PIN4: variants seen among roughly 807,000 people sequenced by gnomAD.
PIN4 encodes the protein peptidylprolyl cis/trans isomerase, NIMA-interacting 4.
PIN4 carries 3 observed loss-of-function variants against 8.3 expected under a neutral mutation model. That is an observed-to-expected ratio of 0.36 (90% CI 0.16 to 0.93). PIN4 has a LOEUF of 0.93. Among genes scored for constraint, PIN4 ranks in the 40% least tolerant of loss-of-function variants. The pLI is 0.44. For synonymous variants in PIN4, 18 were observed against 32.5 expected, an observed-to-expected ratio of 0.55 and a Z score of 1.52; for missense variants, 75 against 100.6, an observed-to-expected ratio of 0.75 and a Z score of 1.09.
chrX:72,262,855 A>C, exon 4 of PIN4: 1 of 642,599 alleles, frequency 1.6e-6, no homozygotes, highest in Non-Finnish European at 2.4e-6. Context: ...TATTAGTTCC[A>C]ATTTCAGAAG....
intron 3 of PIN4, among the ~76,000 whole-genome samples, chrX:72,216,393 A>C (rs781424089): frequency 9.8e-5 from 11 of 112,051 alleles, no homozygotes; most frequent in Non-Finnish European, 2.1e-4. Context: ...AGTTTCCATA[A>C]CTGTGACAGA....
chrX:72,210,289 A>C (rs2042846877), intron 3 of PIN4, among the ~76,000 whole-genome samples: 1 of 110,827 alleles, frequency 9.0e-6, no homozygotes, highest in Non-Finnish European at 1.9e-5. Flanking sequence ...GACTCTCAAC[A>C]TCATTAGTTG....
At chrX:72,217,997 G>A (rs770256270) in intron 3 of PIN4, among the ~76,000 whole-genome samples, 7 of 111,391 alleles carry the variant, frequency 6.3e-5, no homozygotes, top group Non-Finnish European at 1.1e-4. Flanking sequence ...GGGGCCGGGC[G>A]CGGTGGCTCA....
intron 3 of PIN4, chrX:72,205,130 A>G: frequency 1.7e-6 from 2 of 1,210,914 alleles, no homozygotes; most frequent in Non-Finnish European, 2.2e-6. Flanking sequence ...ATTTTTCCAC[A>G]CTCTTTTAGT....
intron 3 of PIN4, among the ~76,000 whole-genome samples, chrX:72,248,703 C>A (rs1281931116): frequency 1.8e-5 from 2 of 111,375 alleles, no homozygotes; most frequent in Non-Finnish European, 3.8e-5. Flanking sequence ...ATAGTGAAAC[C>A]CTGTCTCTAC....
intron 3 of PIN4, among the ~76,000 whole-genome samples, chrX:72,232,070 C>A (rs780838907): frequency 3.2e-4 from 35 of 109,091 alleles, no homozygotes; most frequent in Admixed American, 1.8e-3. Context: ...CAGAGCGAGA[C>A]CCTGTCTCTA....
chrX:72,186,448 CT>C lies in PIN4; in HGVS notation c.44-12del. On this transcript the variant is annotated splice_polypyrimidine_tract_variant and intron_variant, in intron 1 of 3. Transcript: ENST00000373669. ...TGCAGTTTAAATGAGTACCTGTCAT[CT>C]CTTCTCTAAAGGGGGAGCAGCCTCT... is the stretch of plus-strand genomic sequence containing the variant. The C allele has an allele frequency of 8.7e-7, 1 of 1,153,521 alleles. No individual in the cohort carries two copies.
chrX:72,261,095 C>T (rs1000902268), intron 3 of PIN4, among the ~76,000 whole-genome samples: 2 of 110,579 alleles, frequency 1.8e-5, no homozygotes, highest in Non-Finnish European at 3.8e-5. Context: ...GTCAGGAGTT[C>T]GAGACTAGCC....
At chrX:72,208,146 A>C (rs1200753032) in intron 3 of PIN4, 8 of 1,209,975 alleles carry the variant, frequency 6.6e-6, no homozygotes, top group Non-Finnish European at 8.9e-6. Flanking sequence ...GCTGCCAGTT[A>C]TTGATTAACA....
intron 3 of PIN4, among the ~76,000 whole-genome samples, chrX:72,254,649 G>A (rs1489260945): frequency 4.5e-5 from 5 of 112,359 alleles, no homozygotes; most frequent in Non-Finnish European, 7.5e-5. Flanking sequence ...GTCCCTGAAG[G>A]AAACAAAGCT....
chrX:72,239,821 TTATCCTA>T (rs2043041099), intron 3 of PIN4, among the ~76,000 whole-genome samples: 1 of 104,488 alleles, frequency 9.6e-6, no homozygotes, highest in Non-Finnish European at 2.0e-5. Flanking sequence ...CTCACGCCTG[TTATCCTA>T]GCCTTTTGGG....
At chrX:72,213,368 C>G (rs767554963) in intron 3 of PIN4, among the ~76,000 whole-genome samples, 20 of 111,710 alleles carry the variant, frequency 1.8e-4, no homozygotes, top group African/African-American at 6.5e-4. Context: ...CCCGAGAGCA[C>G]AGGGGGAGGG....
At chrX:72,229,117 T>A (rs893967632) in intron 3 of PIN4, among the ~76,000 whole-genome samples, 2 of 111,560 alleles carry the variant, frequency 1.8e-5, no homozygotes, top group African/African-American at 6.5e-5. Context: ...GACTCTCCCA[T>A]TAAAGGGCCT....
At chrX:72,253,563 T>G (rs1182355267) in intron 3 of PIN4, among the ~76,000 whole-genome samples, 1 of 108,685 alleles carries the variant, frequency 9.2e-6, no homozygotes, top group Non-Finnish European at 1.9e-5. Flanking sequence ...AGGCGGAGAT[T>G]GCAGTGAGCC....
At chrX:72,220,432 G>A (rs1428652935) in intron 3 of PIN4, among the ~76,000 whole-genome samples, 1 of 111,494 alleles carries the variant, frequency 9.0e-6, no homozygotes, top group African/African-American at 3.3e-5. Context: ...ACATTCTAAA[G>A]TTCACCTTAA....
chrX:72,200,491 A>G (rs963299176), downstream of PIN4, among the ~76,000 whole-genome samples: 2 of 111,824 alleles, frequency 1.8e-5, no homozygotes, highest in Non-Finnish European at 3.8e-5. Context: ...TCAAATTTAT[A>G]AATATACCCT....
intron 3 of PIN4, among the ~76,000 whole-genome samples, chrX:72,254,500 A>C (rs1219510339): frequency 8.9e-6 from 1 of 112,481 alleles, no homozygotes; most frequent in Non-Finnish European, 1.9e-5. Context: ...GTATTTTCAA[A>C]AGCCGCAATC....
In PIN4 at chrX:72,248,291, G is replaced by GA. The variant is rs55908553; in HGVS notation, c.313-14371dup. Among the ~76,000 whole-genome samples the GA allele has an allele frequency of 1.5e-3, 80 of 54,886 alleles. 8 individuals carry two copies. The highest frequency in any genetic ancestry group is 2.9e-3 in the Non-Finnish European group (69 of 24,014). The allele number at this position is 54,886 out of a possible 115,157, so 47.7% of individuals were successfully genotyped here. ...CCTAGGACATAGCTTGCTCCATCCAGAAAAAAAAAAAAAAAAAAAAAAAAA... is the reference window on the plus strand; with the variant it reads ...CCTAGGACATAGCTTGCTCCATCCAGAAAAAAAAAAAAAAAAAAAAAAAAAA... On this transcript the variant is annotated intron_variant, in intron 3 of 3. Coordinates refer to the PIN4 transcript ENST00000423432.
chrX:72,255,299 ATAATAG>A (rs1260103190), intron 3 of PIN4, among the ~76,000 whole-genome samples: 1 of 105,812 alleles, frequency 9.5e-6, no homozygotes, highest in African/African-American at 3.5e-5. Context: ...AATAATAATA[ATAATAG>A]TAATAATAAT....
Sources: gnomAD v4.1 joint callset for allele counts (sites outside exome capture counted in the v4.1 genomes callset) on GRCh38, gnomAD v4.1.1 for gene constraint, MANE v1.5 for transcripts, NCBI Gene and HGNC (gene_info 2026-07-23, HGNC 2026-07-21) for gene names.